PPP2R2B: variants seen among roughly 807,000 people sequenced by gnomAD.
PPP2R2B encodes the protein protein phosphatase 2 regulatory subunit Bbeta, also known as serine/threonine-protein phosphatase 2A 55 kDa regulatory subunit B beta isoform.
PPP2R2B carries 5 observed loss-of-function variants against 46.0 expected under a neutral mutation model. That is an observed-to-expected ratio of 0.11 (90% CI 0.06 to 0.23). The LOEUF is 0.23. PPP2R2B is among the 10% of genes least tolerant of loss of function. The probability of loss-of-function intolerance (pLI) is 1.00; values close to 1 mark genes in which losing one functional copy is unlikely to be tolerated. For missense variants in PPP2R2B, 367 were observed against 575.0 expected, an observed-to-expected ratio of 0.64 and a Z score of 3.70; for synonymous variants, 215 against 206.7, an observed-to-expected ratio of 1.04 and a Z score of -0.34.
At chr5:146,714,166 AAACC>A (rs1489038355) in intron 2 of PPP2R2B, among the ~76,000 whole-genome samples, 1 of 152,218 alleles carries the variant, frequency 6.6e-6, no homozygotes, top group African/African-American at 2.4e-5. Context: ...AATGTCCTGG[AAACC>A]AAGTGAAGTT....
At chr5:146,622,686 C>T (rs953666343) in intron 7 of PPP2R2B, among the ~76,000 whole-genome samples, 4 of 152,174 alleles carry the variant, frequency 2.6e-5, no homozygotes, top group African/African-American at 9.6e-5. Context: ...CTTCCACCAC[C>T]CCTTGATATT....
intron 8 of PPP2R2B, among the ~76,000 whole-genome samples, chr5:146,596,980 C>G (rs1051817826): frequency 1.3e-5 from 2 of 152,220 alleles, no homozygotes; most frequent in African/African-American, 4.8e-5. Context: ...TGAAGACACT[C>G]AAGTGGTAGC....
At chr5:146,965,832 C>T (rs866981702) in intron 1 of PPP2R2B, among the ~76,000 whole-genome samples, 10 of 152,162 alleles carry the variant, frequency 6.6e-5, no homozygotes, top group African/African-American at 2.4e-4. Flanking sequence ...CATCCGATAC[C>T]AGGTTTGAAC....
At chr5:146,727,173 G>GT (rs1025471237) in intron 2 of PPP2R2B, among the ~76,000 whole-genome samples, 1 of 151,550 alleles carries the variant, frequency 6.6e-6, no homozygotes, top group African/African-American at 2.4e-5. Context: ...AGGTCTCATT[G>GT]TATTAGCTCA....
At chr5:146,995,158 A>G (rs1333945253) in intron 1 of PPP2R2B, among the ~76,000 whole-genome samples, 3 of 152,188 alleles carry the variant, frequency 2.0e-5, no homozygotes, top group Non-Finnish European at 4.4e-5. Flanking sequence ...CTTACATTAT[A>G]TGTCACTTCT....
chr5:146,669,933 C>A (rs547075968), intron 5 of PPP2R2B, among the ~76,000 whole-genome samples: 1 of 152,270 alleles, frequency 6.6e-6, no homozygotes, highest in Non-Finnish European at 1.5e-5. Flanking sequence ...TTATCTAGAT[C>A]TTTAAACATG....
intron 1 of PPP2R2B, among the ~76,000 whole-genome samples, chr5:147,043,128 T>G (rs1325520450): frequency 1.3e-5 from 2 of 152,142 alleles, no homozygotes; most frequent in Non-Finnish European, 2.9e-5. Context: ...TCCTTATTTA[T>G]GCTGTAACTC....
At chr5:146,969,948 G>A (rs1424118450) in intron 1 of PPP2R2B, among the ~76,000 whole-genome samples, 1 of 152,134 alleles carries the variant, frequency 6.6e-6, no homozygotes, top group East Asian at 1.9e-4. Flanking sequence ...GCACATATCT[G>A]GGCTGGAAAA....
chr5:147,011,962 C>A (rs1754756194), intron 1 of PPP2R2B, among the ~76,000 whole-genome samples: 1 of 138,734 alleles, frequency 7.2e-6, no homozygotes, highest in East Asian at 2.0e-4. Context: ...TTTTGATGTG[C>A]TGCTGGATTC....
intron 2 of PPP2R2B, among the ~76,000 whole-genome samples, chr5:146,804,469 A>T (rs976294805): frequency 1.1e-4 from 17 of 152,066 alleles, no homozygotes; most frequent in African/African-American, 3.6e-4. Context: ...CATCCCCTCT[A>T]ACCCTGCTCT....
chr5:146,634,067 G>C (rs1455597941), intron 7 of PPP2R2B, among the ~76,000 whole-genome samples: 6 of 152,206 alleles, frequency 3.9e-5, no homozygotes, highest in African/African-American at 1.4e-4. Flanking sequence ...TATTTGGCTA[G>C]AAATTCTGGG....
At chr5:146,922,973 C>T (rs963865177) in intron 1 of PPP2R2B, among the ~76,000 whole-genome samples, 2 of 152,120 alleles carry the variant, frequency 1.3e-5, no homozygotes, top group South Asian at 2.1e-4. Flanking sequence ...TAATGGAATT[C>T]AGCTTTAGGA....
At chr5:146,646,309 G>A (rs1775576922) in intron 6 of PPP2R2B, among the ~76,000 whole-genome samples, 1 of 152,146 alleles carries the variant, frequency 6.6e-6, no homozygotes, top group South Asian at 2.1e-4. Context: ...CCTGCAAAAA[G>A]AGTTCAAAGG....
intron 1 of PPP2R2B, among the ~76,000 whole-genome samples, chr5:146,954,756 A>ATGTG (rs149370877): frequency 0.067 from 9,871 of 146,320 alleles, 323 homozygotes; most frequent in Middle Eastern, 0.11. Flanking sequence ...ATGTGTATAT[A>ATGTG]TGTGTGTGTG....
intron 1 of PPP2R2B, among the ~76,000 whole-genome samples, chr5:146,978,836 T>C (rs953021869): frequency 2.6e-5 from 4 of 152,216 alleles, no homozygotes; most frequent in African/African-American, 9.6e-5. Context: ...TTGCTTAGGA[T>C]TGTCTTGGTT....
chr5:146,973,856 G>A (rs1435996878), intron 1 of PPP2R2B, among the ~76,000 whole-genome samples: 3 of 152,162 alleles, frequency 2.0e-5, no homozygotes, highest in Non-Finnish European at 4.4e-5. Context: ...CATTAGCGAA[G>A]GAAACAATGC....
chr5:146,704,501 G>C (rs1779717961), intron 2 of PPP2R2B, among the ~76,000 whole-genome samples: 1 of 152,138 alleles, frequency 6.6e-6, no homozygotes, highest in Non-Finnish European at 1.5e-5. Flanking sequence ...ACAAACTTGA[G>C]CATTTTTCCT....
At chr5:146,772,916 T>C (rs1016243800) in intron 2 of PPP2R2B, among the ~76,000 whole-genome samples, 3 of 152,350 alleles carry the variant, frequency 2.0e-5, no homozygotes, top group African/African-American at 7.2e-5. Flanking sequence ...TTTGATTGTC[T>C]AGCTCTTTTG....
At chr5:146,623,717 G>A (rs1346304706) in intron 7 of PPP2R2B, among the ~76,000 whole-genome samples, 1 of 152,168 alleles carries the variant, frequency 6.6e-6, no homozygotes, top group East Asian at 1.9e-4. Flanking sequence ...GAAGATAAAG[G>A]CAAGTATCAT....
Sources: gnomAD v4.1 joint callset for allele counts (sites outside exome capture counted in the v4.1 genomes callset) on GRCh38, gnomAD v4.1.1 for gene constraint, MANE v1.5 for transcripts, NCBI Gene and HGNC (gene_info 2026-07-23, HGNC 2026-07-21) for gene names.